The following NMNAT2 variants were observed in gnomAD, a reference collection of about 807,000 sequenced individuals.
The protein encoded by NMNAT2 is nicotinamide nucleotide adenylyltransferase 2, also known as nicotinamide/nicotinic acid mononucleotide adenylyltransferase 2.
NMNAT2 carries 11 observed loss-of-function variants against 41.6 expected under a neutral mutation model. The observed-to-expected ratio is 0.26, with a 90% CI of 0.17 to 0.44. NMNAT2 has a LOEUF of 0.44. Ranked by LOEUF, NMNAT2 falls within the 20% of genes least tolerant of loss-of-function variation. The probability of loss-of-function intolerance (pLI) is 1.00; values close to 1 mark genes in which losing one functional copy is unlikely to be tolerated. For synonymous variants in NMNAT2, 148 were observed against 151.2 expected (o/e 0.98, Z 0.16); for missense variants, 288 against 407.7 (o/e 0.71, Z 2.53).
intron 1 of NMNAT2, among the ~76,000 whole-genome samples, chr1:183,414,888 A>G (rs1177632730): frequency 6.6e-6 from 1 of 152,144 alleles, no homozygotes; most frequent in East Asian, 1.9e-4. Flanking sequence ...AGGATATAGG[A>G]GCTCTATTTA....
chr1:183,414,592 G>T (rs1251523026), intron 1 of NMNAT2, among the ~76,000 whole-genome samples: 1 of 152,096 alleles, frequency 6.6e-6, no homozygotes, highest in African/African-American at 2.4e-5. Flanking sequence ...AGTTTACTTT[G>T]CCAAAAACTT....
intron 1 of NMNAT2, among the ~76,000 whole-genome samples, chr1:183,364,717 A>C (rs544874034): frequency 1.1e-3 from 72 of 63,444 alleles, no homozygotes; most frequent in Non-Finnish European, 1.7e-3. Flanking sequence ...TTTGAGACGG[A>C]GTCTCACACC....
chr1:183,387,845 T>C (rs1648302923), intron 1 of NMNAT2, among the ~76,000 whole-genome samples: 1 of 152,214 alleles, frequency 6.6e-6, no homozygotes, highest in African/African-American at 2.4e-5. Context: ...TGCCGAAGGC[T>C]CAACACTGGT....
At chr1:183,286,498 G>A (rs1661401886) in intron 5 of NMNAT2, among the ~76,000 whole-genome samples, 164 bp downstream of exon 5, 1 of 152,136 alleles carries the variant, frequency 6.6e-6, no homozygotes, top group Non-Finnish European at 1.5e-5. Flanking sequence ...TCAAAGTATT[G>A]TCTCTGGACT....
intron 1 of NMNAT2, among the ~76,000 whole-genome samples, chr1:183,412,757 A>G (rs1302148182): frequency 6.6e-6 from 1 of 152,230 alleles, no homozygotes; most frequent in Non-Finnish European, 1.5e-5. Flanking sequence ...GCATTAGTCC[A>G]AGGTTTTTGG....
At position 183,252,641 on chromosome 1, in the gene NMNAT2, C is replaced by G. The variant is rs748088339; in HGVS notation, c.924G>C (p.Ter308TyrextTer40). The change falls in exon 11 of 11, where the codon TAG (stop) becomes TAC (tyrosine). Residue 308 changes from the stop codon to tyrosine, a stop_lost. Transcript: ENST00000287713. ...TGTGTTGCCGGAGGACGAGGGGCTG[C>G]TAGCCGGAGGCATTGATGTACAGCT... ...KSQLYINASG[*>Y] is the part of the protein sequence containing the mutation. 6.2e-7 allele frequency: 1 copy of G among 1,610,952 alleles called. No individual in the cohort carries two copies. The highest frequency in any genetic ancestry group is 1.1e-5 in the South Asian group (1 of 91,046).
intron 8 of NMNAT2, among the ~76,000 whole-genome samples, chr1:183,266,138 T>C (rs1035429797): frequency 1.3e-5 from 2 of 152,188 alleles, no homozygotes; most frequent in Non-Finnish European, 2.9e-5. Context: ...TAAAACCTAT[T>C]TCAGACTTCT....
intron 1 of NMNAT2, among the ~76,000 whole-genome samples, chr1:183,323,277 T>C (rs1236471097): frequency 6.6e-6 from 1 of 152,148 alleles, no homozygotes. Context: ...GCACCACCAC[T>C]TCCTCCCTCC....
chr1:183,267,259 C>G (rs1660840938), intron 8 of NMNAT2: 1 of 151,972 alleles, frequency 6.6e-6, no homozygotes, highest in African/African-American at 2.4e-5. Context: ...AGCCACTGGA[C>G]CAAGACTCTG....
At chr1:183,271,618 A>G (rs1660990039) in intron 8 of NMNAT2, among the ~76,000 whole-genome samples, 1 of 152,244 alleles carries the variant, frequency 6.6e-6, no homozygotes, top group Non-Finnish European at 1.5e-5. Context: ...GTATAAAGAA[A>G]TATTATAATG....
At chr1:183,417,726 C>G (rs1477743806) in intron 1 of NMNAT2, among the ~76,000 whole-genome samples, 1 of 152,212 alleles carries the variant, frequency 6.6e-6, no homozygotes, top group Non-Finnish European at 1.5e-5. Context: ...TTGCGAATCC[C>G]AGGCACATAC....
At position 183,290,169 on chromosome 1, in the gene NMNAT2, T is replaced by C; in HGVS notation, c.280A>G (p.Thr94Ala). Residue 94 changes from threonine (T) to alanine (A), a missense_variant, in exon 4 of 11, where the codon ACG becomes GCG. Coordinates refer to ENST00000287713, the MANE Select transcript of NMNAT2 (RefSeq NM_015039.4). ...PWECYQDTWQ[T>A]TCSVLEHHRD... is the part of the protein sequence containing the mutation. ...TGGTGTTCCAACACGCTGCAGGTCG[T>C]CTGCCAGGTGTCCTGGTAGCACTCC... The C allele has an allele frequency of 6.3e-7, 1 of 1,587,958 alleles. No individual in the cohort carries two copies. Among genetic ancestry groups the C allele is most frequent in the Non-Finnish European group, 8.6e-7 (1 of 1,165,924 alleles).
chr1:183,256,562 G>A (rs192011183), intron 10 of NMNAT2, among the ~76,000 whole-genome samples: 347 of 152,290 alleles, frequency 2.3e-3, no homozygotes, highest in Non-Finnish European at 3.6e-3. Flanking sequence ...ATGGTCATGT[G>A]GTTTTATCTT....
At chr1:183,418,139 G>A in intron 1 of NMNAT2, 44 bp downstream of exon 1, 2 of 1,554,574 alleles carry the variant, frequency 1.3e-6, no homozygotes, top group Non-Finnish European at 1.8e-6. Flanking sequence ...CCTGGGAAAG[G>A]AGAGGAGCGG....
intron 1 of NMNAT2, among the ~76,000 whole-genome samples, chr1:183,412,397 G>C (rs1378852391): frequency 6.6e-6 from 1 of 152,084 alleles, no homozygotes; most frequent in East Asian, 1.9e-4. Context: ...CTAATTTTTT[G>C]TATTTTTAGT....
chr1:183,328,251 C>T (rs939761208), intron 1 of NMNAT2, among the ~76,000 whole-genome samples: 2 of 152,184 alleles, frequency 1.3e-5, no homozygotes, highest in Admixed American at 1.3e-4. Context: ...GCTTCCTCCC[C>T]ACCCATCTGC....
At chr1:183,337,673 C>A (rs762641571) in intron 1 of NMNAT2, among the ~76,000 whole-genome samples, 62 of 151,856 alleles carry the variant, frequency 4.1e-4, no homozygotes, top group Non-Finnish European at 7.4e-4. Context: ...GAGTAATGCA[C>A]CAAGGATTCA....
At position 183,379,458 on chromosome 1, in the gene NMNAT2, G is replaced by C. The variant is rs1215691651; in HGVS notation, c.85+38725C>G. 4.6e-5 allele frequency among the ~76,000 whole-genome samples: 7 copies of C among 152,002 alleles called. No homozygotes were observed. In the East Asian group the frequency reaches 1.3e-3, roughly 29 times the overall value. Reference sequence around the variant, plus strand: ...AGCCTCCCAAAGGGTTGACATTATAGGTATGAGCCATCATGCCCAGCCATG... The same window carrying C: ...AGCCTCCCAAAGGGTTGACATTATACGTATGAGCCATCATGCCCAGCCATG... On this transcript the variant is annotated intron_variant, in intron 1 of 10. Coordinates refer to ENST00000287713, the MANE Select transcript of NMNAT2 (RefSeq NM_015039.4).
intron 8 of NMNAT2, among the ~76,000 whole-genome samples, chr1:183,272,151 G>A (rs1452366220): frequency 1.3e-5 from 2 of 152,206 alleles, no homozygotes; most frequent in African/African-American, 4.8e-5. Flanking sequence ...GGAGAGGAGT[G>A]AGTGCAAATG....
Sources: allele counts gnomAD v4.1 joint callset (sites outside exome capture counted in the v4.1 genomes callset), GRCh38; gene constraint gnomAD v4.1.1; transcripts MANE v1.5; gene names NCBI Gene and HGNC (gene_info 2026-07-23, HGNC 2026-07-21).